The following GRID2 variants were observed in gnomAD, a reference collection of about 807,000 sequenced individuals.
The protein encoded by GRID2 is glutamate receptor ionotropic, delta-2.
In GRID2, 33 loss-of-function variants were observed where a neutral mutation model predicts 114.8. That is an observed-to-expected ratio of 0.29 (90% CI 0.22 to 0.38). The LOEUF (loss-of-function observed/expected upper bound fraction) is 0.38. GRID2 is among the 10% of genes least tolerant of loss of function. The probability of loss-of-function intolerance (pLI) is 1.00; values close to 1 mark genes in which losing one functional copy is unlikely to be tolerated. For missense variants in GRID2, 1,184 were observed against 1,257.7 expected, an observed-to-expected ratio of 0.94 and a Z score of 0.89; for synonymous variants, 505 against 449.9, an observed-to-expected ratio of 1.12 and a Z score of -1.55.
chr4:93,277,140 A>G (rs1208188977), intron 8 of GRID2, among the ~76,000 whole-genome samples: 1 of 151,902 alleles, frequency 6.6e-6, no homozygotes, highest in African/African-American at 2.4e-5. Flanking sequence ...GTTTGAAAGT[A>G]GATTTACCTG....
At chr4:93,282,114 A>G (rs1752711787) in intron 8 of GRID2, among the ~76,000 whole-genome samples, 1 of 152,060 alleles carries the variant, frequency 6.6e-6, no homozygotes, top group African/African-American at 2.4e-5. Context: ...ATTATTCTTT[A>G]ATATGAGCTC....
chr4:93,255,522 G>A (rs186196176), intron 8 of GRID2, among the ~76,000 whole-genome samples: 31 of 152,164 alleles, frequency 2.0e-4, no homozygotes, highest in Admixed American at 8.5e-4. Flanking sequence ...TCCTCAGGGT[G>A]GGGATGTGTT....
chr4:92,500,247 T>TTA (rs1256330239), intron 1 of GRID2, among the ~76,000 whole-genome samples: 1 of 152,094 alleles, frequency 6.6e-6, no homozygotes, highest in Admixed American at 6.6e-5. Context: ...TTTTCACACT[T>TTA]TAAAAAATTT....
At chr4:92,833,065 C>G (rs917575267) in intron 2 of GRID2, among the ~76,000 whole-genome samples, 6 of 152,050 alleles carry the variant, frequency 3.9e-5, no homozygotes, top group African/African-American at 1.4e-4. Flanking sequence ...AAAGTATATG[C>G]TAGTGCAAGC....
intron 2 of GRID2, among the ~76,000 whole-genome samples, chr4:93,069,398 A>G (rs1033056758): frequency 5.9e-5 from 9 of 152,046 alleles, no homozygotes; most frequent in African/African-American, 2.2e-4. Context: ...GTGGGGGGAA[A>G]AATATCCAAA....
intron 8 of GRID2, among the ~76,000 whole-genome samples, chr4:93,324,820 G>A (rs1579681688): frequency 6.6e-6 from 1 of 152,118 alleles, no homozygotes; most frequent in East Asian, 1.9e-4. Context: ...TAGTTTACTT[G>A]CGTAGAGGTG....
At chr4:93,063,349 A>G (rs539145872) in intron 2 of GRID2, among the ~76,000 whole-genome samples, 10 of 151,990 alleles carry the variant, frequency 6.6e-5, no homozygotes, top group East Asian at 1.9e-4. Flanking sequence ...TGGGTTTTGC[A>G]TAGGGAATTG....
intron 1 of GRID2, among the ~76,000 whole-genome samples, chr4:92,462,337 C>T (rs1462449616): frequency 1.3e-5 from 2 of 152,006 alleles, no homozygotes; most frequent in Non-Finnish European, 2.9e-5. Flanking sequence ...CTATCCTTAT[C>T]TATTGAGGGG....
chr4:92,465,144 G>A (rs1721687255), intron 1 of GRID2, among the ~76,000 whole-genome samples: 1 of 151,914 alleles, frequency 6.6e-6, no homozygotes, highest in African/African-American at 2.4e-5. Flanking sequence ...TCAGTTTCAG[G>A]TATGTGTTTA....
intron 2 of GRID2, among the ~76,000 whole-genome samples, chr4:92,812,187 A>G (rs1163592602): frequency 6.6e-6 from 1 of 152,150 alleles, no homozygotes; most frequent in East Asian, 1.9e-4. Flanking sequence ...ATATATGAAT[A>G]TCAGCATTTT....
At chr4:92,347,254 T>C (rs17317393) in intron 1 of GRID2, among the ~76,000 whole-genome samples, 9,709 of 152,284 alleles carry the variant, frequency 0.064, 366 homozygotes, top group Middle Eastern at 0.14. Context: ...AATATTAGGA[T>C]AGTTCAGTGT....
At chr4:92,424,694 T>C (rs956194208) in intron 1 of GRID2, among the ~76,000 whole-genome samples, 2 of 151,428 alleles carry the variant, frequency 1.3e-5, no homozygotes, top group Admixed American at 6.6e-5. Flanking sequence ...ACAATATTTC[T>C]CACTATTTCT....
chr4:93,516,638 T>A (rs557977105), intron 13 of GRID2, among the ~76,000 whole-genome samples: 4 of 152,180 alleles, frequency 2.6e-5, no homozygotes, highest in South Asian at 4.1e-4. Context: ...AACATGGTTC[T>A]CCCAGTTAAT....
chr4:93,792,241 C>G (rs773184441), intron 1 of GRID2, among the ~76,000 whole-genome samples: 18 of 152,248 alleles, frequency 1.2e-4, no homozygotes, highest in Non-Finnish European at 2.6e-4. Context: ...CAATTCTAAT[C>G]CCACTTCCCT....
chr4:92,754,537 A>G (rs992882204), intron 2 of GRID2, among the ~76,000 whole-genome samples: 10 of 152,296 alleles, frequency 6.6e-5, no homozygotes, highest in East Asian at 5.8e-4. Flanking sequence ...GATGATCATG[A>G]TACCGATCTC....
chr4:93,047,383 A>G (rs1205642125), intron 2 of GRID2, among the ~76,000 whole-genome samples: 1 of 152,152 alleles, frequency 6.6e-6, no homozygotes, highest in East Asian at 1.9e-4. Flanking sequence ...TATTATACTG[A>G]TATAAGATGT....
intron 4 of GRID2, among the ~76,000 whole-genome samples, chr4:93,167,091 G>A (rs1738324736): frequency 6.6e-6 from 1 of 152,160 alleles, no homozygotes; most frequent in African/African-American, 2.4e-5. Flanking sequence ...GAAAGTGACA[G>A]CAAGAAGAGT....
At chr4:93,166,909 A>G (rs1738303809) in intron 4 of GRID2, among the ~76,000 whole-genome samples, 2 of 152,168 alleles carry the variant, frequency 1.3e-5, no homozygotes, top group Non-Finnish European at 2.9e-5. Flanking sequence ...GGGCTCCACT[A>G]AGCAGATGCT....
chr4:93,431,677 T>C (rs1454973103), intron 10 of GRID2, among the ~76,000 whole-genome samples: 1 of 152,086 alleles, frequency 6.6e-6, no homozygotes, highest in Non-Finnish European at 1.5e-5. Flanking sequence ...AAATTTTAGA[T>C]GGAGAGGGGA....
Sources: gnomAD v4.1 joint callset for allele counts (sites outside exome capture counted in the v4.1 genomes callset) on GRCh38, gnomAD v4.1.1 for gene constraint, MANE v1.5 for transcripts, NCBI Gene and HGNC (gene_info 2026-07-23, HGNC 2026-07-21) for gene names.